The following CNTNAP5 variants were observed in gnomAD, a reference collection of about 807,000 sequenced individuals.
CNTNAP5 encodes contactin-associated protein-like 5.
CNTNAP5 carries 72 observed loss-of-function variants against 150.2 expected under a neutral mutation model. The ratio of observed to expected loss-of-function variants is 0.48; its 90% CI spans 0.40 to 0.58. The LOEUF (loss-of-function observed/expected upper bound fraction) is 0.58, where lower values mean the gene tolerates loss of function less well. CNTNAP5 is among the 20% of genes least tolerant of loss of function. The pLI, the probability that CNTNAP5 is intolerant of heterozygous loss-of-function variation, is 0.00. For missense variants in CNTNAP5, 1,636 were observed against 1,626.2 expected (o/e 1.01, Z -0.10); for synonymous variants, 672 against 619.8 (o/e 1.08, Z -1.25).
intron 7 of CNTNAP5, among the ~76,000 whole-genome samples, chr2:124,491,815 G>C (rs976750497): frequency 1.3e-5 from 2 of 151,652 alleles, no homozygotes; most frequent in African/African-American, 4.8e-5. Context: ...ACCTATTGTG[G>C]TTTCAACTTG....
chr2:124,467,733 A>G (rs1471930823), intron 6 of CNTNAP5, among the ~76,000 whole-genome samples: 1 of 152,122 alleles, frequency 6.6e-6, no homozygotes, highest in Non-Finnish European at 1.5e-5. Flanking sequence ...ATAACTTCCA[A>G]TTCTCAACTA....
rs1258383262 is a variant in CNTNAP5 at position 124,221,723 on chromosome 2, T to A, written c.101T>A (p.Leu34Gln). Residue 34 changes from leucine (L) to glutamine (Q), a missense_variant, in exon 2 of 24, where the codon CTA becomes CAA. Coordinates refer to ENST00000682447, the MANE Select transcript of CNTNAP5 (RefSeq NM_001367498.1). ...TATNYNCDDP[L>Q]ASLLSPMAFS... ...ATTATAGACAACTGTGATGATCCACTAGCATCCCTGCTCTCTCCAATGGCT... is the reference window on the plus strand; with the variant it reads ...ATTATAGACAACTGTGATGATCCACAAGCATCCCTGCTCTCTCCAATGGCT... The A allele has an allele frequency of 1.2e-6, 2 of 1,610,210 alleles. No individual in the cohort carries two copies. The highest frequency in any genetic ancestry group is 2.7e-5 in the African/African-American group (2 of 74,802).
chr2:124,482,786 C>G (rs1472739345), intron 7 of CNTNAP5, among the ~76,000 whole-genome samples: 3 of 152,186 alleles, frequency 2.0e-5, no homozygotes, highest in Non-Finnish European at 2.9e-5. Context: ...GGCTCTCCCT[C>G]TGGGTTGAAG....
chr2:124,698,375 T>TACGCACACAC (rs1553432566), intron 13 of CNTNAP5, among the ~76,000 whole-genome samples: 3 of 147,326 alleles, frequency 2.0e-5, no homozygotes, highest in African/African-American at 7.6e-5. Flanking sequence ...GACGAGAGGA[T>TACGCACACAC]ACACACACAC....
intron 19 of CNTNAP5, among the ~76,000 whole-genome samples, chr2:124,814,622 G>A (rs1205653657): frequency 6.6e-6 from 1 of 151,546 alleles, no homozygotes; most frequent in Non-Finnish European, 1.5e-5. Flanking sequence ...ATATACTAAT[G>A]GTTCATCTTC....
Position 124,917,104 on chromosome 2 carries a change from T to C in CNTNAP5, c.*2816T>C, listed in dbSNP as rs1678784573. On this transcript the variant is annotated 3_prime_UTR_variant, in exon 24 of 24. Coordinates refer to ENST00000682447, the MANE Select transcript of CNTNAP5 (RefSeq NM_001367498.1). ...GAAGGAGACTTTGAAAGCATCTTAATCTCTCTTTAACCATTTTTTTTTTCT... is the reference window on the plus strand; with the variant it reads ...GAAGGAGACTTTGAAAGCATCTTAACCTCTCTTTAACCATTTTTTTTTTCT... Among the ~76,000 whole-genome samples, 1 of 152,052 alleles carries C rather than the reference T, an allele frequency of 6.6e-6. No individual in the cohort carries two copies. Among genetic ancestry groups the C allele is most frequent in the Non-Finnish European group, 1.5e-5 (1 of 67,980 alleles).
At chr2:124,854,744 T>C (rs1386553279) in intron 19 of CNTNAP5, among the ~76,000 whole-genome samples, 1 of 152,204 alleles carries the variant, frequency 6.6e-6, no homozygotes, top group African/African-American at 2.4e-5. Flanking sequence ...TAAGCAACAA[T>C]TCCTCCTAGG....
At chr2:124,552,264 T>G (rs1433849584) in intron 10 of CNTNAP5, among the ~76,000 whole-genome samples, 1 of 152,172 alleles carries the variant, frequency 6.6e-6, no homozygotes, top group East Asian at 1.9e-4. Context: ...CTGCCCTCAC[T>G]GGAAATCTGG....
chr2:124,468,533 G>A (rs1408164519), intron 6 of CNTNAP5, among the ~76,000 whole-genome samples: 2 of 151,956 alleles, frequency 1.3e-5, no homozygotes, highest in Admixed American at 6.6e-5. Flanking sequence ...CCACACTGTG[G>A]GTGGACCTTC....
intron 1 of CNTNAP5, among the ~76,000 whole-genome samples, chr2:124,205,547 T>C (rs1473129932): frequency 6.6e-6 from 1 of 152,044 alleles, no homozygotes; most frequent in Non-Finnish European, 1.5e-5. Context: ...GCCTCCCAAG[T>C]AGCTGGGACT....
chr2:124,259,479 G>A lies in CNTNAP5; in HGVS notation c.381+17086G>A, dbSNP rs192503813. 3.3e-3 allele frequency among the ~76,000 whole-genome samples: 510 copies of A among 152,276 alleles called. 4 individuals are homozygous for A. The highest frequency in any genetic ancestry group is 0.012 in the African/African-American group (489 of 41,578). On this transcript the variant is annotated intron_variant, in intron 3 of 23. Coordinates refer to ENST00000682447, the MANE Select transcript of CNTNAP5 (RefSeq NM_001367498.1). Reference sequence around the variant, plus strand: ...AGTAGTTTACAGTCCCACCAACAGTGTAAAAGTGTTCCTATTTCTCCACAT... The same window carrying A: ...AGTAGTTTACAGTCCCACCAACAGTATAAAAGTGTTCCTATTTCTCCACAT...
intron 11 of CNTNAP5, among the ~76,000 whole-genome samples, chr2:124,577,331 A>G (rs1696306626): frequency 6.6e-6 from 1 of 152,248 alleles, no homozygotes; most frequent in Admixed American, 6.5e-5. Flanking sequence ...ACTTATCATT[A>G]CATTATAATA....
In CNTNAP5 at chr2:124,713,305, T is replaced by C. The variant is rs201100992; in HGVS notation, c.2078-33924T>C. On this transcript the variant is annotated intron_variant, in intron 13 of 23. Coordinates refer to ENST00000682447, the MANE Select transcript of CNTNAP5 (RefSeq NM_001367498.1). ...TCTTTCTTTCTTTCTTTCTTTCTTC[T>C]TTCTCTTTCTTTCCTTTCTTTCTTT... Among the ~76,000 whole-genome samples the C allele has an allele frequency of 2.6e-3, 227 of 88,084 alleles. 11 individuals are homozygous for C. The highest frequency in any genetic ancestry group is 0.013 in the Middle Eastern group (2 of 158). 57.8% of individuals were successfully genotyped at this position (88,084 alleles called of 152,430 possible).
In CNTNAP5 at chr2:124,371,744, T is replaced by TC. The variant is rs1267404043; in HGVS notation, c.382-45699_382-45698insC. Among the ~76,000 whole-genome samples the TC allele has an allele frequency of 2.8e-3, 433 of 152,210 alleles. 4 individuals are homozygous for TC. The East Asian group carries it at 0.034, about 12-fold the overall frequency. ...AATCATACATGTAATCTTAACATAC[T>TC]ATACATAAATTCTTAGCCAATGGGT... On this transcript the variant is annotated intron_variant, in intron 3 of 23. Transcript: ENST00000682447.
intron 3 of CNTNAP5, among the ~76,000 whole-genome samples, chr2:124,266,322 T>G (rs1288335443): frequency 6.6e-6 from 1 of 152,140 alleles, no homozygotes; most frequent in Non-Finnish European, 1.5e-5. Flanking sequence ...TTTTAAGAAC[T>G]AAATCAACAT....
At chr2:124,555,825 C>T (rs750921055) in intron 10 of CNTNAP5, among the ~76,000 whole-genome samples, 48 of 152,202 alleles carry the variant, frequency 3.2e-4, no homozygotes, top group Non-Finnish European at 6.2e-4. Context: ...AAACTAGAAG[C>T]GAAGAGGGAT....
chr2:124,265,223 G>T (rs1395376290), intron 3 of CNTNAP5, among the ~76,000 whole-genome samples: 1 of 152,156 alleles, frequency 6.6e-6, no homozygotes, highest in East Asian at 1.9e-4. Context: ...GCACTGCTTT[G>T]CCATCTGGAA....
chr2:124,317,892 G>T (rs1485716836), intron 3 of CNTNAP5, among the ~76,000 whole-genome samples: 1 of 152,162 alleles, frequency 6.6e-6, no homozygotes, highest in African/African-American at 2.4e-5. Context: ...GAGATGTGAA[G>T]CCAGCAGTAT....
intron 3 of CNTNAP5, among the ~76,000 whole-genome samples, chr2:124,363,108 G>C (rs1430038426): frequency 6.6e-6 from 1 of 152,158 alleles, no homozygotes; most frequent in African/African-American, 2.4e-5. Context: ...AAGGCACTAT[G>C]ATGTTTGTAA....
Sources: gnomAD v4.1 joint callset for allele counts (sites outside exome capture counted in the v4.1 genomes callset) on GRCh38, gnomAD v4.1.1 for gene constraint, MANE v1.5 for transcripts, NCBI Gene and HGNC (gene_info 2026-07-23, HGNC 2026-07-21) for gene names.